The following MYRIP variants were observed in gnomAD, a reference collection of about 807,000 sequenced individuals.
The protein encoded by MYRIP is rab effector MyRIP.
MYRIP carries 49 observed loss-of-function variants against 98.0 expected under a neutral mutation model. The ratio of observed to expected loss-of-function variants is 0.50; its 90% CI spans 0.40 to 0.63. The LOEUF is 0.63. Ranked by LOEUF, MYRIP falls within the 30% of genes least tolerant of loss-of-function variation. The pLI is 0.00. For missense variants in MYRIP, 1,004 were observed against 1,058.2 expected, an observed-to-expected ratio of 0.95 and a Z score of 0.71; for synonymous variants, 404 against 409.5, an observed-to-expected ratio of 0.99 and a Z score of 0.16.
At chr3:40,145,667 C>G (rs1369427315) in intron 3 of MYRIP, among the ~76,000 whole-genome samples, 1 of 152,182 alleles carries the variant, frequency 6.6e-6, no homozygotes, top group Admixed American at 6.5e-5. Flanking sequence ...ATCTTTGAAC[C>G]TGGCTGCTTT....
intron 1 of MYRIP, among the ~76,000 whole-genome samples, chr3:39,853,377 G>T (rs1467046051): frequency 1.3e-5 from 2 of 152,000 alleles, no homozygotes; most frequent in Non-Finnish European, 2.9e-5. Context: ...CCACCAGCAG[G>T]GTAAAAGTGT....
chr3:39,884,982 G>C (rs78676320), intron 1 of MYRIP, among the ~76,000 whole-genome samples: 3,458 of 128,808 alleles, frequency 0.027, 98 homozygotes, highest in East Asian at 0.096. Flanking sequence ...GCCCTCTATA[G>C]AGGTGGTATA....
At position 40,190,421 on chromosome 3, in the gene MYRIP, A is replaced by G. The variant is rs778803173; in HGVS notation, c.1623A>G (p.Pro541=). Residue 541 remains proline, a synonymous_variant, in exon 10 of 17, where the codon CCA becomes CCG. Transcript: ENST00000302541. ...GCTCAGAAGAGCCAAGCAAAGAACC[A>G]TCTTCCCCCAGCGCCCAGCTCCGGG... ...RLGSEEPSKE[P]SSPSAQLRDL... is the part of the protein sequence containing the mutation. The G allele has an allele frequency of 5.6e-6, 9 of 1,608,098 alleles. No individual in the cohort carries two copies. The African/African-American group carries it at 9.4e-5, about 17-fold the overall frequency.
chr3:39,935,905 A>C (rs2125704389), intron 2 of MYRIP, among the ~76,000 whole-genome samples: 1 of 152,318 alleles, frequency 6.6e-6, no homozygotes, highest in South Asian at 2.1e-4. Context: ...AAAATCTACA[A>C]ATATAGGCAT....
chr3:39,929,215 CTT>C (rs762161061), intron 2 of MYRIP, among the ~76,000 whole-genome samples: 67 of 151,926 alleles, frequency 4.4e-4, no homozygotes, highest in Non-Finnish European at 8.0e-4. Flanking sequence ...AGATACCAGA[CTT>C]ATATGCTGAA....
Position 40,257,983 on chromosome 3 carries a change from A to G in MYRIP, c.2548-151A>G, listed in dbSNP as rs1953653018. 4 of 786,252 alleles carry G rather than the reference A, an allele frequency of 5.1e-6. No individual in the cohort carries two copies. In the Admixed American group the frequency reaches 6.5e-5, roughly 13 times the overall value. The allele number at this position is 786,252 out of a possible 1,614,324, so 48.7% of individuals were successfully genotyped here. The stretch of plus-strand genomic sequence containing the variant: ...TGGATTAAGAAGCATGCATTTAAAA[A>G]TGACATCAGTTTCTAAATGTTGTGA... On this transcript the variant is annotated intron_variant, in intron 16 of 16. Coordinates refer to ENST00000302541, the MANE Select transcript of MYRIP (RefSeq NM_015460.4).
At chr3:40,145,428 C>T (rs79752138) in intron 3 of MYRIP, among the ~76,000 whole-genome samples, 13,878 of 152,210 alleles carry the variant, frequency 0.091, 1,338 homozygotes, top group African/African-American at 0.23. Context: ...AGACAAACCT[C>T]TCAATTTCAT....
intron 2 of MYRIP, among the ~76,000 whole-genome samples, chr3:39,951,370 G>T (rs1170213790): frequency 6.6e-6 from 1 of 152,050 alleles, no homozygotes. Flanking sequence ...AATTCAGTTG[G>T]GAGTATTTTT....
At chr3:39,997,359 C>T (rs1559554057) in intron 2 of MYRIP, among the ~76,000 whole-genome samples, 1 of 152,036 alleles carries the variant, frequency 6.6e-6, no homozygotes, top group Non-Finnish European at 1.5e-5. Context: ...GATATCACCA[C>T]CGATCCCACA....
intron 2 of MYRIP, among the ~76,000 whole-genome samples, chr3:39,944,394 C>T (rs1258526538): frequency 6.6e-6 from 1 of 151,972 alleles, no homozygotes; most frequent in African/African-American, 2.4e-5. Flanking sequence ...GTACTCTATA[C>T]TGATACACAA....
At chr3:40,218,609 A>ATATT (rs1434916839) in intron 11 of MYRIP, among the ~76,000 whole-genome samples, 4 of 127,426 alleles carry the variant, frequency 3.1e-5, no homozygotes, top group Admixed American at 7.6e-5. Context: ...ATATATATAT[A>ATATT]TTTTATATAT....
intron 2 of MYRIP, among the ~76,000 whole-genome samples, chr3:40,032,938 C>G (rs1232338659): frequency 6.6e-6 from 1 of 151,950 alleles, no homozygotes; most frequent in Non-Finnish European, 1.5e-5. Context: ...TAAATGTAAT[C>G]CAGCATATAA....
At chr3:40,127,051 G>A (rs57173323) in intron 3 of MYRIP, among the ~76,000 whole-genome samples, 4,283 of 152,262 alleles carry the variant, frequency 0.028, 132 homozygotes, top group African/African-American at 0.074. Context: ...GCCCTAATGG[G>A]TAAACCAAGG....
chr3:40,111,879 GC>G (rs1949165650), intron 3 of MYRIP, among the ~76,000 whole-genome samples: 2 of 152,168 alleles, frequency 1.3e-5, no homozygotes, highest in Admixed American at 1.3e-4. Context: ...ATGAAAGTGA[GC>G]CCTGGGCTGG....
Position 39,941,489 on chromosome 3 carries a change from A to ATGTG in MYRIP, c.110+40581_110+40584dup, listed in dbSNP as rs139399674. ...AGGAAATACAGTCTTTTAAAAATGT[A>ATGTG]TGTGTGTGTGTGTGTGTGTGTATAT... On this transcript the variant is annotated intron_variant, in intron 2 of 16. Transcript: ENST00000302541. Among the ~76,000 whole-genome samples, 289 of 147,256 alleles carry ATGTG rather than the reference A, an allele frequency of 2.0e-3. 1 individual carries two copies. Among genetic ancestry groups the ATGTG allele is most frequent in the Admixed American group, 3.4e-3 (51 of 14,830 alleles).
At chr3:39,966,682 C>T (rs964254499) in intron 2 of MYRIP, among the ~76,000 whole-genome samples, 8 of 152,092 alleles carry the variant, frequency 5.3e-5, no homozygotes, top group Non-Finnish European at 8.8e-5. Flanking sequence ...AAGAGAATGC[C>T]GAGGACGGAG....
chr3:40,195,304 C>T (rs57100285), intron 10 of MYRIP, among the ~76,000 whole-genome samples: 5,518 of 151,982 alleles, frequency 0.036, 339 homozygotes, highest in African/African-American at 0.13. Context: ...TTTCATTTTA[C>T]GTTATTTTTG....
intron 10 of MYRIP, 106 bp from the exon 11 acceptor site, chr3:40,209,748 C>T: frequency 6.8e-7 from 1 of 1,463,798 alleles, no homozygotes; most frequent in Non-Finnish European, 9.2e-7. Flanking sequence ...TGTTACTTTC[C>T]TAGACTATAT....
chr3:39,947,904 A>G (rs932006142), intron 2 of MYRIP, among the ~76,000 whole-genome samples: 1 of 152,212 alleles, frequency 6.6e-6, no homozygotes, highest in African/African-American at 2.4e-5. Context: ...GTGATTGTCA[A>G]CTTTGGCTCC....
Sources: gnomAD v4.1 joint callset for allele counts (sites outside exome capture counted in the v4.1 genomes callset) on GRCh38, gnomAD v4.1.1 for gene constraint, MANE v1.5 for transcripts, NCBI Gene and HGNC (gene_info 2026-07-23, HGNC 2026-07-21) for gene names.